PTPRD: variants seen among roughly 807,000 people sequenced by gnomAD.
PTPRD encodes receptor-type tyrosine-protein phosphatase delta.
PTPRD carries 34 observed loss-of-function variants against 214.5 expected under a neutral mutation model. That is an observed-to-expected ratio of 0.16 (90% confidence interval 0.12 to 0.21). The LOEUF (loss-of-function observed/expected upper bound fraction) is 0.21. PTPRD is among the 10% of genes least tolerant of loss of function. The pLI, the probability that PTPRD is intolerant of heterozygous loss-of-function variation, is 1.00. For synonymous variants in PTPRD, 1,128 were observed against 845.7 expected (o/e 1.33, Z -5.79); for missense variants, 2,545 against 2,398.7 (o/e 1.06, Z -1.27).
At chr9:10,496,624 T>C (rs995295110) in intron 2 of PTPRD, among the ~76,000 whole-genome samples, 3 of 152,016 alleles carry the variant, frequency 2.0e-5, no homozygotes, top group Admixed American at 6.6e-5. Flanking sequence ...TCTGTTCTTT[T>C]TTGACTTTTG....
intron 11 of PTPRD, among the ~76,000 whole-genome samples, chr9:8,904,877 G>C (rs1484824694): frequency 6.6e-6 from 1 of 152,086 alleles, no homozygotes; most frequent in Non-Finnish European, 1.5e-5. Flanking sequence ...TCATGTTTCT[G>C]ATATATAAAA....
At chr9:9,466,087 C>T (rs1488064671) in intron 8 of PTPRD, among the ~76,000 whole-genome samples, 2 of 152,068 alleles carry the variant, frequency 1.3e-5, no homozygotes, top group Non-Finnish European at 2.9e-5. Flanking sequence ...ATGAATGGAT[C>T]TCTTGATCCC....
At chr9:9,872,373 G>C (rs891189005) in intron 5 of PTPRD, among the ~76,000 whole-genome samples, 1 of 152,130 alleles carries the variant, frequency 6.6e-6, no homozygotes, top group African/African-American at 2.4e-5. Context: ...GCCGAGGCAG[G>C]AGAATTGCTT....
At chr9:8,973,995 A>G (rs1342274426) in intron 11 of PTPRD, among the ~76,000 whole-genome samples, 6 of 152,034 alleles carry the variant, frequency 3.9e-5, no homozygotes. Flanking sequence ...ATGTTCTCCC[A>G]TACTGTAGGT....
chr9:8,879,554 T>G (rs1193826360), intron 11 of PTPRD, among the ~76,000 whole-genome samples: 4 of 152,308 alleles, frequency 2.6e-5, no homozygotes, highest in Non-Finnish European at 5.9e-5. Context: ...TGGTTGTTAT[T>G]TTAGTATTGG....
intron 8 of PTPRD, among the ~76,000 whole-genome samples, chr9:9,422,611 C>T (rs1480047009): frequency 6.6e-6 from 1 of 151,998 alleles, no homozygotes; most frequent in Non-Finnish European, 1.5e-5. Context: ...AAGCAGTTAC[C>T]AGGTAGAGAC....
intron 3 of PTPRD, among the ~76,000 whole-genome samples, chr9:10,062,927 G>T (rs1464715689): frequency 6.6e-6 from 1 of 152,012 alleles, no homozygotes; most frequent in African/African-American, 2.4e-5. Context: ...GAGAATGAGA[G>T]AGATGAAATA....
chr9:8,946,735 A>G (rs2154299329), intron 11 of PTPRD, among the ~76,000 whole-genome samples: 1 of 152,262 alleles, frequency 6.6e-6, no homozygotes, highest in East Asian at 1.9e-4. Flanking sequence ...GCTCTCTTTC[A>G]GGAGCCTGGA....
chr9:10,359,622 G>T (rs1211071019), intron 2 of PTPRD, among the ~76,000 whole-genome samples: 3 of 151,988 alleles, frequency 2.0e-5, no homozygotes, highest in East Asian at 3.8e-4. Context: ...CAGTGTAATG[G>T]GTTGAACATA....
chr9:9,038,765 C>G (rs574824214), intron 10 of PTPRD, among the ~76,000 whole-genome samples: 1 of 152,042 alleles, frequency 6.6e-6, no homozygotes, highest in South Asian at 2.1e-4. Context: ...CCATGTTGGC[C>G]AGGCTGGTCT....
chr9:9,461,679 A>G (rs1415483867), intron 8 of PTPRD, among the ~76,000 whole-genome samples: 1 of 152,162 alleles, frequency 6.6e-6, no homozygotes, highest in African/African-American at 2.4e-5. Context: ...TTATTCCTAG[A>G]GAATTGTACA....
intron 2 of PTPRD, among the ~76,000 whole-genome samples, chr9:10,570,662 G>C (rs2067135087): frequency 6.6e-6 from 1 of 152,040 alleles, no homozygotes; most frequent in African/African-American, 2.4e-5. Context: ...CATTTTGCTA[G>C]TCAGGACCAT....
chr9:9,174,481 C>T (rs2099923393), intron 10 of PTPRD, among the ~76,000 whole-genome samples: 1 of 152,020 alleles, frequency 6.6e-6, no homozygotes, highest in Non-Finnish European at 1.5e-5. Context: ...TATGTTATTC[C>T]AAATGTGTGC....
chr9:8,496,208 AC>A (rs2097265842), intron 26 of PTPRD, among the ~76,000 whole-genome samples: 181 of 128,306 alleles, frequency 1.4e-3, no homozygotes, highest in African/African-American at 3.7e-3. Context: ...ACACACACAC[AC>A]AAACACACAC....
chr9:9,236,379 G>C (rs897930685), intron 9 of PTPRD, among the ~76,000 whole-genome samples: 2 of 151,958 alleles, frequency 1.3e-5, no homozygotes, highest in African/African-American at 2.4e-5. Flanking sequence ...GAGTATAAAA[G>C]CTAGCCTTAG....
chr9:9,710,156 A>T (rs1335283191), intron 7 of PTPRD, among the ~76,000 whole-genome samples: 2 of 152,148 alleles, frequency 1.3e-5, no homozygotes, highest in Non-Finnish European at 2.9e-5. Context: ...AATACATTTT[A>T]GTACTTAGTA....
chr9:9,540,473 C>T (rs1262157889), intron 8 of PTPRD, among the ~76,000 whole-genome samples: 2 of 151,674 alleles, frequency 1.3e-5, no homozygotes, highest in African/African-American at 4.8e-5. Context: ...ATGGAGAAAG[C>T]ACTGAGTGAA....
At chr9:10,487,923 G>A (rs1444020817) in intron 2 of PTPRD, among the ~76,000 whole-genome samples, 2 of 149,572 alleles carry the variant, frequency 1.3e-5, no homozygotes, top group South Asian at 4.2e-4. Context: ...TTACCAGGTA[G>A]AGACTCTTGT....
At chr9:8,797,773 A>C (rs2096474314) in intron 11 of PTPRD, among the ~76,000 whole-genome samples, 1 of 152,200 alleles carries the variant, frequency 6.6e-6, no homozygotes, top group East Asian at 1.9e-4. Flanking sequence ...TTGGACTCCA[A>C]GGTCCTCAAG....
Sources: allele counts gnomAD v4.1 joint callset (sites outside exome capture counted in the v4.1 genomes callset), GRCh38; gene constraint gnomAD v4.1.1; transcripts MANE v1.5; gene names NCBI Gene and HGNC (gene_info 2026-07-23, HGNC 2026-07-21).